The following CACNA1E variants were observed in gnomAD, a reference collection of about 807,000 sequenced individuals.
CACNA1E encodes the protein calcium voltage-gated channel subunit alpha1 E.
A neutral mutation model predicts 259.2 loss-of-function variants in CACNA1E; 40 were observed. The observed-to-expected ratio is 0.15, with a 90% confidence interval of 0.12 to 0.20. The LOEUF (loss-of-function observed/expected upper bound fraction) is 0.20. Among genes scored for constraint, CACNA1E ranks in the 10% least tolerant of loss-of-function variants. The pLI is 1.00. For synonymous variants in CACNA1E, 1,104 were observed against 1,138.5 expected (o/e 0.97, Z 0.61); for missense variants, 1,874 against 3,040.1 (o/e 0.62, Z 9.02).
chr1:181,479,904 C>T (rs1558036103), upstream of CACNA1E, among the ~76,000 whole-genome samples: 3 of 152,142 alleles, frequency 2.0e-5, no homozygotes, highest in African/African-American at 7.2e-5. Context: ...ACATGTGTTA[C>T]CAGGCTCACC....
At chr1:181,543,374 G>T (rs1668742078) in intron 3 of CACNA1E, among the ~76,000 whole-genome samples, 1 of 152,186 alleles carries the variant, frequency 6.6e-6, no homozygotes, top group African/African-American at 2.4e-5. Context: ...CACAGGAACT[G>T]ATGTTCATCT....
intron 7 of CACNA1E, among the ~76,000 whole-genome samples, chr1:181,671,681 G>A (rs1265751457): frequency 6.6e-6 from 1 of 152,148 alleles, no homozygotes; most frequent in Non-Finnish European, 1.5e-5. Context: ...TTCTCTAGTG[G>A]CCAGTGTCAG....
At chr1:181,658,969 A>G (rs1343468708) in intron 7 of CACNA1E, among the ~76,000 whole-genome samples, 1 of 151,662 alleles carries the variant, frequency 6.6e-6, no homozygotes. Flanking sequence ...GTTGTCTCTC[A>G]CATGCCTTTG....
Position 181,359,743 on chromosome 1 carries a change from T to C in CACNA1E, c.-15+41620T>C, listed in dbSNP as rs978732258. 2.6e-5 allele frequency among the ~76,000 whole-genome samples: 4 copies of C among 152,238 alleles called. No homozygotes were observed. The South Asian group carries it at 6.2e-4, about 24-fold the overall frequency. On this transcript the variant is annotated intron_variant, in intron 1 of 11. Transcript: ENST00000524607. ...GATTAAACTGTGTAGTGGGTACTTA[T>C]CTCTAGTCACAAATTTAGGTGTGTA...
chr1:181,511,014 C>T (rs1419635854), intron 2 of CACNA1E, among the ~76,000 whole-genome samples: 1 of 152,200 alleles, frequency 6.6e-6, no homozygotes, highest in African/African-American at 2.4e-5. Flanking sequence ...AGACAAACTG[C>T]CTAAAATTCA....
At chr1:181,357,729 A>G (rs1282322424) in intron 1 of CACNA1E, among the ~76,000 whole-genome samples, 1 of 152,156 alleles carries the variant, frequency 6.6e-6, no homozygotes, top group East Asian at 1.9e-4. Context: ...TTTCAAAGCT[A>G]TATAGATTAA....
chr1:181,646,677 G>T (rs1307258155), intron 6 of CACNA1E, among the ~76,000 whole-genome samples: 1 of 152,192 alleles, frequency 6.6e-6, no homozygotes, highest in Non-Finnish European at 1.5e-5. Context: ...GGCCCTGCCT[G>T]CATAGCTTCA....
intron 6 of CACNA1E, among the ~76,000 whole-genome samples, chr1:181,611,659 A>G (rs544695018): frequency 2.2e-4 from 33 of 152,278 alleles, no homozygotes; most frequent in African/African-American, 7.9e-4. Flanking sequence ...TGTAGATTCA[A>G]TAGGGGAAGG....
At chr1:181,755,448 G>T in intron 28 of CACNA1E, 51 bp downstream of exon 28, 2 of 1,445,392 alleles carry the variant, frequency 1.4e-6, no homozygotes, top group Middle Eastern at 1.8e-4. Context: ...ATGTCCTGAT[G>T]ATCCCACTCC....
chr1:181,702,508 A>C (rs753104767), intron 7 of CACNA1E, among the ~76,000 whole-genome samples: 1 of 152,136 alleles, frequency 6.6e-6, no homozygotes, highest in Non-Finnish European at 1.5e-5. Context: ...TCGTTTCCCA[A>C]TGACACCAAG....
intron 16 of CACNA1E, among the ~76,000 whole-genome samples, chr1:181,722,790 A>G (rs954750875): frequency 3.3e-5 from 5 of 152,214 alleles, no homozygotes; most frequent in Non-Finnish European, 7.3e-5. Flanking sequence ...CATTTTCCAT[A>G]GTTTCATAGA....
chr1:181,542,267 G>T (rs1668640497), intron 3 of CACNA1E, among the ~76,000 whole-genome samples: 1 of 151,568 alleles, frequency 6.6e-6, no homozygotes, highest in African/African-American at 2.4e-5. Context: ...TCCCCACATT[G>T]CTAATTACTG....
chr1:181,540,011 C>T (rs890326172), intron 3 of CACNA1E, among the ~76,000 whole-genome samples: 1 of 152,184 alleles, frequency 6.6e-6, no homozygotes, highest in Admixed American at 6.5e-5. Flanking sequence ...CTCTCTCCTC[C>T]TTATCATCAC....
chr1:181,531,230 T>A (rs1667756739), intron 3 of CACNA1E, among the ~76,000 whole-genome samples: 1 of 152,224 alleles, frequency 6.6e-6, no homozygotes, highest in African/African-American at 2.4e-5. Flanking sequence ...GTTTGTATCT[T>A]TTCTGCCTTT....
At chr1:181,610,656 A>G (rs1420662986) in intron 6 of CACNA1E, among the ~76,000 whole-genome samples, 2 of 152,318 alleles carry the variant, frequency 1.3e-5, no homozygotes, top group Non-Finnish European at 2.9e-5. Flanking sequence ...GTACTTACTC[A>G]GGTAGTAATG....
intron 6 of CACNA1E, among the ~76,000 whole-genome samples, chr1:181,584,263 T>G (rs4360493): frequency 0.14 from 21,075 of 152,248 alleles, 1,914 homozygotes; most frequent in African/African-American, 0.25. Flanking sequence ...GTTATTTCTC[T>G]TCTTACTTAC....
chr1:181,335,477 T>C (rs1651632749), intron 1 of CACNA1E, among the ~76,000 whole-genome samples: 1 of 152,264 alleles, frequency 6.6e-6, no homozygotes, highest in South Asian at 2.1e-4. Flanking sequence ...CTCTGGTTGC[T>C]GGCCTAGATG....
At chr1:181,487,951 G>C (rs1169185743) in intron 1 of CACNA1E, among the ~76,000 whole-genome samples, 1 of 152,206 alleles carries the variant, frequency 6.6e-6, no homozygotes, top group Non-Finnish European at 1.5e-5. Context: ...CAGTAGGAAG[G>C]TCAAATATGT....
chr1:181,797,403 C>T (rs1413067454), intron 47 of CACNA1E, among the ~76,000 whole-genome samples: 2 of 152,214 alleles, frequency 1.3e-5, no homozygotes, highest in African/African-American at 4.8e-5. Context: ...ACAGCCCTAT[C>T]TCTAGTCATG....
Sources: allele counts gnomAD v4.1 joint callset (sites outside exome capture counted in the v4.1 genomes callset), GRCh38; gene constraint gnomAD v4.1.1; transcripts MANE v1.5; gene names NCBI Gene and HGNC (gene_info 2026-07-23, HGNC 2026-07-21).